The following KCNT1 variants were observed in gnomAD, a reference collection of about 807,000 sequenced individuals.
KCNT1 encodes potassium channel subfamily T member 1.
Under a neutral mutation model 147.8 loss-of-function variants are expected in KCNT1, and 78 were observed. That is an observed-to-expected ratio of 0.53 (90% CI 0.44 to 0.64). The LOEUF (loss-of-function observed/expected upper bound fraction) is 0.64. Among genes scored for constraint, KCNT1 ranks in the 30% least tolerant of loss-of-function variants. KCNT1 has a pLI of 0.00. For synonymous variants in KCNT1, 867 were observed against 748.8 expected (o/e 1.16, Z -2.58); for missense variants, 1,419 against 1,750.3 (o/e 0.81, Z 3.38).
intron 2 of KCNT1, among the ~76,000 whole-genome samples, chr9:135,718,934 G>A (rs1021641168): frequency 1.4e-4 from 22 of 152,224 alleles, no homozygotes; most frequent in East Asian, 5.8e-4. Context: ...CCAGCCCATC[G>A]GTACCGCCCG....
chr9:135,702,830 G>A (rs1835087804), intron 1 of KCNT1, among the ~76,000 whole-genome samples: 1 of 152,068 alleles, frequency 6.6e-6, no homozygotes, highest in African/African-American at 2.4e-5. Flanking sequence ...GGGGTTTCCA[G>A]AGCAACCTTC....
intron 6 of KCNT1, among the ~76,000 whole-genome samples, chr9:135,756,431 A>C (rs924459704): frequency 5.3e-5 from 8 of 152,086 alleles, no homozygotes; most frequent in Non-Finnish European, 7.4e-5. Flanking sequence ...TCTCCATCTG[A>C]GACCAGAGAG....
At chr9:135,778,273 G>A (rs1447944786) in intron 21 of KCNT1, 151 bp from the exon 22 acceptor site, 2 of 654,968 alleles carry the variant, frequency 3.1e-6, no homozygotes, top group African/African-American at 3.7e-5. Context: ...ATGGCCCACT[G>A]GCCTTAAAGT....
intron 2 of KCNT1, among the ~76,000 whole-genome samples, chr9:135,716,948 C>T (rs1483729572): frequency 1.3e-5 from 2 of 152,226 alleles, no homozygotes; most frequent in Non-Finnish European, 2.9e-5. Context: ...CTCAGAGATG[C>T]TGTGCTGCAT....
intron 24 of KCNT1, among the ~76,000 whole-genome samples, chr9:135,782,809 C>G (rs1833705759): frequency 6.6e-6 from 1 of 152,252 alleles, no homozygotes; most frequent in South Asian, 2.1e-4. Flanking sequence ...ATGCAAATCA[C>G]CACGATTGCA....
rs188673129 is a variant in KCNT1 at position 135,733,697 on chromosome 9, G to A, written c.255-16401G>A. On this transcript the variant is annotated intron_variant, in intron 2 of 30. Coordinates refer to ENST00000371757, the MANE Select transcript of KCNT1 (RefSeq NM_020822.3). Reference sequence around the variant, plus strand: ...GTTTCAGGCTGTACCACTCCACCGAGGTGACCCCAGCTAGTTTGGGGCTTC... The same window carrying A: ...GTTTCAGGCTGTACCACTCCACCGAAGTGACCCCAGCTAGTTTGGGGCTTC... Among the ~76,000 whole-genome samples, 920 of 146,222 alleles carry A rather than the reference G, an allele frequency of 6.3e-3. 5 individuals are homozygous for A. Among genetic ancestry groups the A allele is most frequent in the Non-Finnish European group, 9.4e-3 (625 of 66,494 alleles).
intron 6 of KCNT1, among the ~76,000 whole-genome samples, chr9:135,756,589 T>C (rs568170832): frequency 6.6e-6 from 1 of 152,280 alleles, no homozygotes; most frequent in South Asian, 2.1e-4. Flanking sequence ...CTCTGGTGTC[T>C]TCCTGAGCGT....
At position 135,752,058 on chromosome 9, in the gene KCNT1, T is replaced by C; in HGVS notation, c.434+1017T>C. 1 of 213,496 alleles carries C rather than the reference T, an allele frequency of 4.7e-6. No homozygotes were observed. Among genetic ancestry groups the C allele is most frequent in the Non-Finnish European group, 9.5e-6 (1 of 104,962 alleles). The allele number at this position is 213,496 out of a possible 1,614,324, so 13.2% of individuals were successfully genotyped here. On this transcript the variant is annotated intron_variant, in intron 4 of 30. Coordinates refer to ENST00000371757, the MANE Select transcript of KCNT1 (RefSeq NM_020822.3). The surrounding 1 kb of genome is among the most constrained non-coding windows in gnomAD (Gnocchi z 5.1). ...GACTTTTTCATACCCGTAGATTTCC[T>C]CAAATGTCTGGTGCCGTTTATGCGT... is the stretch of plus-strand genomic sequence containing the variant.
At chr9:135,720,179 A>C (rs1588262670) in intron 2 of KCNT1, among the ~76,000 whole-genome samples, 1 of 151,688 alleles carries the variant, frequency 6.6e-6, no homozygotes, top group Admixed American at 6.6e-5. Context: ...TGCTGGATGC[A>C]CCCCTTCCAT....
chr9:135,768,532 C>T, intron 13 of KCNT1, 78 bp from the exon 14 acceptor site: 1 of 1,163,314 alleles, frequency 8.6e-7, no homozygotes, highest in Non-Finnish European at 1.2e-6. Context: ...GGAGGTCCTC[C>T]CCACCTCACC....
chr9:135,722,117 G>T (rs1355372330), intron 2 of KCNT1, among the ~76,000 whole-genome samples: 1 of 152,156 alleles, frequency 6.6e-6, no homozygotes, highest in African/African-American at 2.4e-5. Context: ...GGCTGTGGGG[G>T]CATGGAGGAG....
intron 29 of KCNT1, chr9:135,789,458 C>G (rs2131594586): frequency 6.6e-6 from 1 of 152,516 alleles, no homozygotes; most frequent in African/African-American, 2.4e-5. Flanking sequence ...CCATCCCACA[C>G]ACACAGCGGG....
chr9:135,743,509 A>G (rs1185170425), intron 2 of KCNT1, among the ~76,000 whole-genome samples: 1 of 152,090 alleles, frequency 6.6e-6, no homozygotes, highest in Non-Finnish European at 1.5e-5. Context: ...TTATCCCAAA[A>G]GAGTCCTGGA....
At chr9:135,789,621 C>CGG (rs1834347893) in intron 29 of KCNT1, 2 of 152,262 alleles carry the variant, frequency 1.3e-5, no homozygotes. Flanking sequence ...GGGATTCAGG[C>CGG]GGGAGTGACC....
At chr9:135,776,030 A>G (rs1412778712) in intron 20 of KCNT1, among the ~76,000 whole-genome samples, 3 of 152,008 alleles carry the variant, frequency 2.0e-5, no homozygotes, top group Non-Finnish European at 4.4e-5. Flanking sequence ...CTCTGCCTGC[A>G]TGTGGGGCCA....
intron 29 of KCNT1, 183 bp from the exon 30 acceptor site, chr9:135,791,614 T>G: frequency 1.7e-6 from 1 of 592,248 alleles, no homozygotes; most frequent in Non-Finnish European, 3.0e-6. Context: ...TGTGTGGAGA[T>G]GGGACAGGTG....
At chr9:135,779,822 C>T (rs534204844) in intron 24 of KCNT1, among the ~76,000 whole-genome samples, 1 of 152,394 alleles carries the variant, frequency 6.6e-6, no homozygotes, top group East Asian at 1.9e-4. Context: ...GCCCTCAGAT[C>T]GGTGGTTCCA....
intron 24 of KCNT1, among the ~76,000 whole-genome samples, chr9:135,783,613 C>G (rs558379711): frequency 1.3e-5 from 2 of 152,254 alleles, no homozygotes; most frequent in Non-Finnish European, 2.9e-5. Context: ...GATGCTTGCT[C>G]CTCCTCAGCC....
At chr9:135,772,973 TC>T in intron 19 of KCNT1, 24 bp downstream of exon 19, 1 of 1,421,316 alleles carries the variant, frequency 7.0e-7, no homozygotes, top group East Asian at 2.7e-5. Context: ...TGGAGACGGC[TC>T]CCAGTGGGGG....
Sources: allele counts gnomAD v4.1 joint callset (sites outside exome capture counted in the v4.1 genomes callset), GRCh38; gene constraint gnomAD v4.1.1; non-coding constraint Gnocchi (gnomAD v3.1); transcripts MANE v1.5; gene names NCBI Gene and HGNC (gene_info 2026-07-23, HGNC 2026-07-21).